PCDHGA5: variants seen among roughly 807,000 people sequenced by gnomAD.
PCDHGA5 encodes the protein protocadherin gamma-A5.
A neutral mutation model predicts 56.7 loss-of-function variants in PCDHGA5; 36 were observed. The observed-to-expected ratio is 0.64, with a 90% CI of 0.49 to 0.84. The LOEUF (loss-of-function observed/expected upper bound fraction) is 0.84. PCDHGA5 is among the 40% of genes least tolerant of loss of function. The probability of loss-of-function intolerance (pLI) is 0.00; values close to 1 mark genes in which losing one functional copy is unlikely to be tolerated. For missense variants in PCDHGA5, 1,305 were observed against 1,201.5 expected, an observed-to-expected ratio of 1.09 and a Z score of -1.27; for synonymous variants, 563 against 520.2, an observed-to-expected ratio of 1.08 and a Z score of -1.12.
Position 141,476,351 on chromosome 5 carries a change from G to C in PCDHGA5, c.2422-18456G>C. On this transcript the variant is annotated intron_variant, in intron 1 of 3. Transcript: ENST00000518069. This position sits in a 1 kb window ranked among gnomAD's most constrained non-coding sequence, Gnocchi z 7.6. ...TGGAGCTAGCCGAAGATTCTTTGAG[G>C]TGAACCGGGAGACCGGAGAGATGTT... 3 of 1,614,182 alleles carry C rather than the reference G, an allele frequency of 1.9e-6. No homozygotes were observed. Among genetic ancestry groups the C allele is most frequent in the Non-Finnish European group, 2.5e-6 (3 of 1,180,046 alleles).
chr5:141,370,244 ACT>A, intron 1 of PCDHGA5: 2 of 633,826 alleles, frequency 3.2e-6, no homozygotes, highest in Non-Finnish European at 5.1e-6. Flanking sequence ...AGAAAAGTGC[ACT>A]CTCTATCAGG....
intron 1 of PCDHGA5, chr5:141,419,396 G>A (rs772000806): frequency 3.7e-6 from 6 of 1,613,600 alleles, no homozygotes; most frequent in Admixed American, 1.7e-5. Flanking sequence ...GCAGAGCGGG[G>A]TGGTGTTCGC....
At chr5:141,506,993 C>T (rs781663602) in intron 3 of PCDHGA5, 18 of 152,184 alleles carry the variant, frequency 1.2e-4, no homozygotes, top group Non-Finnish European at 1.8e-4. Context: ...TTCTCACACT[C>T]GACAGATGAG....
rs147506725 is a variant in PCDHGA5, at chr5:141,442,240, G to A, written c.2422-52567G>A. Reference sequence around the variant, plus strand: ...CTTTAATTTCCTTTTTATTCTTCCTGATTGCATTGTTTGTGCTGGTTTTAA... The same window carrying A: ...CTTTAATTTCCTTTTTATTCTTCCTAATTGCATTGTTTGTGCTGGTTTTAA... On this transcript the variant is annotated intron_variant, in intron 1 of 3. Transcript: ENST00000518069. 1,291 of 153,334 alleles carry A rather than the reference G, an allele frequency of 8.4e-3. 26 individuals carry two copies. The highest frequency in any genetic ancestry group is 0.029 in the African/African-American group (1,208 of 41,552). 9.5% of individuals were successfully genotyped at this position (153,334 alleles called of 1,614,324 possible).
chr5:141,410,788 C>A, intron 1 of PCDHGA5: 2 of 712,228 alleles, frequency 2.8e-6, no homozygotes, highest in Non-Finnish European at 4.0e-6. Context: ...GTATTTGGTT[C>A]ATAAGTTGCT....
intron 1 of PCDHGA5, among the ~76,000 whole-genome samples, chr5:141,474,405 GT>G (rs2099348889): frequency 6.6e-6 from 1 of 152,196 alleles, no homozygotes; most frequent in African/African-American, 2.4e-5. Flanking sequence ...AAGCTCCCCG[GT>G]GATGCCTAGA....
rs775025025 is a variant in PCDHGA5, at chr5:141,364,607, G to A, written c.277G>A (p.Glu93Lys). The change falls in exon 1 of 4, where the codon GAG becomes AAG. Residue 93 changes from glutamate (E) to lysine (K), a missense_variant. Glu to Lys is a moderately conservative substitution (Grantham distance 56). Coordinates refer to ENST00000518069, the MANE Select transcript of PCDHGA5 (RefSeq NM_018918.3). ...GGTCACCGCGGGCAGGATAGACCGGGAGGAGCTCTGCGCTCAGAGCCCACT... is the reference window on the plus strand; with the variant it reads ...GGTCACCGCGGGCAGGATAGACCGGAAGGAGCTCTGCGCTCAGAGCCCACT... ...SLVTAGRIDR[E>K]ELCAQSPLCV... 6.2e-7 allele frequency: 1 copy of A among 1,614,080 alleles called. No individual in the cohort carries two copies. Among genetic ancestry groups the A allele is most frequent in the African/African-American group, 1.3e-5 (1 of 74,964 alleles).
intron 2 of PCDHGA5, among the ~76,000 whole-genome samples, chr5:141,497,706 A>G (rs2099778850): frequency 6.6e-6 from 1 of 151,956 alleles, no homozygotes; most frequent in Middle Eastern, 3.2e-3. Flanking sequence ...CACCCAGCTC[A>G]TTTTTGTATT....
At chr5:141,461,328 A>G (rs2154567322) in intron 1 of PCDHGA5, among the ~76,000 whole-genome samples, 1 of 152,282 alleles carries the variant, frequency 6.6e-6, no homozygotes, top group East Asian at 1.9e-4. Flanking sequence ...AATAATGGCC[A>G]TTCTTGCAGG....
At chr5:141,473,501 G>A (rs1053399138) in intron 1 of PCDHGA5, among the ~76,000 whole-genome samples, 2 of 152,188 alleles carry the variant, frequency 1.3e-5, no homozygotes, top group South Asian at 4.1e-4. Context: ...GGTGTTCTGA[G>A]AGAGCATAAC....
In PCDHGA5 at chr5:141,428,992, C is replaced by A. The variant is rs986416866; in HGVS notation, c.2421+62241C>A. The A allele has an allele frequency of 1.3e-4, 20 of 152,092 alleles. 1 individual carries two copies. Among genetic ancestry groups the A allele is most frequent in the Admixed American group, 1.2e-3 (18 of 15,248 alleles). 9.4% of individuals were successfully genotyped at this position (152,092 alleles called of 1,614,324 possible). On this transcript the variant is annotated intron_variant, in intron 1 of 3. Transcript: ENST00000518069. Reference sequence around the variant, plus strand: ...GCCTCAGCCTCCCGGGTAGCTGGGACTACAGGCGCCCGCCACCACGCCCGG... The same window carrying A: ...GCCTCAGCCTCCCGGGTAGCTGGGAATACAGGCGCCCGCCACCACGCCCGG...
chr5:141,496,192 C>T (rs942276204), intron 2 of PCDHGA5, among the ~76,000 whole-genome samples: 1 of 152,098 alleles, frequency 6.6e-6, no homozygotes, highest in Non-Finnish European at 1.5e-5. Flanking sequence ...CCCAGCTGCT[C>T]ATTTCAATCT....
At position 141,498,971 on chromosome 5, in the gene PCDHGA5, G is replaced by GGGAAGGAAGGAA. The variant is rs201769957; in HGVS notation, c.2480+4152_2480+4163dup. On this transcript the variant is annotated intron_variant, in intron 2 of 3. Coordinates refer to ENST00000518069, the MANE Select transcript of PCDHGA5 (RefSeq NM_018918.3). ...AAAAAGAGAGAGAGGGAGGGAGGGA[G>GGGAAGGAAGGAA]GGAAGGAAGGAAGGAAGGAAGGAAG... 6.8e-3 allele frequency among the ~76,000 whole-genome samples: 758 copies of GGGAAGGAAGGAA among 111,036 alleles called. 12 individuals are homozygous for GGGAAGGAAGGAA. Among genetic ancestry groups the GGGAAGGAAGGAA allele is most frequent in the African/African-American group, 0.021 (585 of 27,816 alleles). 72.8% of individuals were successfully genotyped at this position (111,036 alleles called of 152,430 possible). A position where few individuals can be genotyped will look rare whatever the true frequency, so the allele number is the denominator to read the frequency against.
intron 1 of PCDHGA5, among the ~76,000 whole-genome samples, chr5:141,397,331 TA>T (rs1194266776): frequency 2.0e-5 from 3 of 152,214 alleles, no homozygotes; most frequent in Non-Finnish European, 4.4e-5. Flanking sequence ...AAATTATTTT[TA>T]TAAAGAATGT....
At chr5:141,507,563 G>A (rs2099861587) in intron 3 of PCDHGA5, among the ~76,000 whole-genome samples, 1 of 152,222 alleles carries the variant, frequency 6.6e-6, no homozygotes, top group Non-Finnish European at 1.5e-5. Flanking sequence ...CAGGCGGCTG[G>A]GTCTGAGGAG....
At chr5:141,420,530 A>G (rs1038635436) in intron 1 of PCDHGA5, 9 of 336,858 alleles carry the variant, frequency 2.7e-5, no homozygotes, top group African/African-American at 6.4e-5. Flanking sequence ...CCTTTCGGTT[A>G]AAAATATAAA....
At chr5:141,507,786 G>A (rs536470814) in intron 3 of PCDHGA5, among the ~76,000 whole-genome samples, 3 of 152,292 alleles carry the variant, frequency 2.0e-5, no homozygotes, top group East Asian at 1.9e-4. Context: ...CCTGACCCTC[G>A]TCTAAGCCTG....
intron 1 of PCDHGA5, chr5:141,384,729 G>A: frequency 6.2e-7 from 1 of 1,614,122 alleles, no homozygotes; most frequent in Non-Finnish European, 8.5e-7. Context: ...TCCTGCTTAA[G>A]GCCAGCGAGC....
chr5:141,445,608 C>T (rs2098472204), intron 1 of PCDHGA5, among the ~76,000 whole-genome samples: 1 of 152,108 alleles, frequency 6.6e-6, no homozygotes, highest in South Asian at 2.1e-4. Context: ...TCAAGGAAGG[C>T]TTTCTTTTTT....
Sources: gnomAD v4.1 joint callset for allele counts (sites outside exome capture counted in the v4.1 genomes callset) on GRCh38, gnomAD v4.1.1 for gene constraint, Gnocchi (gnomAD v3.1) non-coding constraint, MANE v1.5 for transcripts, NCBI Gene and HGNC (gene_info 2026-07-23, HGNC 2026-07-21) for gene names.